GALNT13: variants seen among roughly 807,000 people sequenced by gnomAD.
GALNT13 encodes the protein polypeptide N-acetylgalactosaminyltransferase 13.
A neutral mutation model predicts 64.2 loss-of-function variants in GALNT13; 28 were observed. That is an observed-to-expected ratio of 0.44 (90% CI 0.32 to 0.60). GALNT13 has a LOEUF of 0.60. GALNT13 is among the 20% of genes least tolerant of loss of function. The probability of loss-of-function intolerance (pLI) is 0.05; values close to 1 mark genes in which losing one functional copy is unlikely to be tolerated. For missense variants in GALNT13, 577 were observed against 669.8 expected (o/e 0.86, Z 1.53); for synonymous variants, 214 against 224.6 (o/e 0.95, Z 0.42).
At chr2:153,907,416 T>A (rs1688649651) in intron 2 of GALNT13, among the ~76,000 whole-genome samples, 1 of 151,920 alleles carries the variant, frequency 6.6e-6, no homozygotes, top group Admixed American at 6.6e-5. Context: ...TAACTTTTAT[T>A]TTAGGTTTAG....
At chr2:153,791,480 G>C in the GALNT13 span, among the ~76,000 whole-genome samples, 1 of 152,258 alleles carries the variant, frequency 6.6e-6, no homozygotes, top group East Asian at 1.9e-4. Context: ...ATGTTGATTG[G>C]AGTGTAAATT....
the GALNT13 span, among the ~76,000 whole-genome samples, chr2:153,260,196 TA>T: frequency 3.3e-5 from 5 of 152,342 alleles, no homozygotes; most frequent in African/African-American, 1.2e-4. Flanking sequence ...GTATTTTAGA[TA>T]TGTTCATATT....
chr2:154,181,198 A>G (rs1310779463), intron 4 of GALNT13, among the ~76,000 whole-genome samples: 2 of 152,180 alleles, frequency 1.3e-5, no homozygotes. Flanking sequence ...AGTCACTTTT[A>G]TGATTTTGTA....
At chr2:154,126,779 G>A (rs537698452) in intron 3 of GALNT13, among the ~76,000 whole-genome samples, 5 of 152,258 alleles carry the variant, frequency 3.3e-5, no homozygotes, top group East Asian at 1.9e-4. Context: ...AAGGTAATGT[G>A]GGCTTAACAT....
Position 154,242,181 on chromosome 2 carries a change from G to A in GALNT13, c.463G>A (p.Asp155Asn). The change falls in exon 5 of 13, where the codon GAT becomes AAT. Residue 155 changes from aspartate (D) to asparagine (N), a missense_variant. Transcript: ENST00000392825. ...YLLSEVILVDDASERDFLKLT... is the reference protein window; with the variant it reads ...YLLSEVILVDNASERDFLKLT... ...ACTCTCAGAGGTCATCTTGGTAGATGATGCCAGTGAAAGAGGTACAAACTG... is the reference window on the plus strand; with the variant it reads ...ACTCTCAGAGGTCATCTTGGTAGATAATGCCAGTGAAAGAGGTACAAACTG... The A allele has an allele frequency of 6.2e-7, 1 of 1,608,486 alleles. No homozygotes were observed. The highest frequency in any genetic ancestry group is 8.5e-7 in the Non-Finnish European group (1 of 1,178,532).
At chr2:154,427,895 C>T (rs139580417) in intron 11 of GALNT13, among the ~76,000 whole-genome samples, 257 of 152,252 alleles carry the variant, frequency 1.7e-3, no homozygotes, top group Non-Finnish European at 2.6e-3. Context: ...TCTATGAATT[C>T]TCCATGCTGA....
At chr2:153,193,447 G>T in the GALNT13 span, among the ~76,000 whole-genome samples, 16 of 136,746 alleles carry the variant, frequency 1.2e-4, no homozygotes, top group African/African-American at 4.3e-4. Flanking sequence ...GGACTGTGGT[G>T]GGGTCGGGGG....
At chr2:153,307,599 A>T in the GALNT13 span, among the ~76,000 whole-genome samples, 18 of 152,156 alleles carry the variant, frequency 1.2e-4, no homozygotes, top group Admixed American at 1.2e-3. Flanking sequence ...AGTAATATTT[A>T]TTAGCATATA....
chr2:153,921,616 A>G (rs2105337374), intron 2 of GALNT13, among the ~76,000 whole-genome samples: 1 of 152,310 alleles, frequency 6.6e-6, no homozygotes, highest in East Asian at 1.9e-4. Flanking sequence ...AACCTAACAC[A>G]GAAGTTATAA....
intron 2 of GALNT13, among the ~76,000 whole-genome samples, chr2:153,922,179 G>A (rs1188455764): frequency 1.3e-5 from 2 of 152,036 alleles, no homozygotes; most frequent in East Asian, 3.9e-4. Context: ...GAGAATTTTT[G>A]TACTGATTAT....
At chr2:153,863,369 A>G in the GALNT13 span, among the ~76,000 whole-genome samples, 2 of 152,158 alleles carry the variant, frequency 1.3e-5, no homozygotes, top group South Asian at 4.1e-4. Flanking sequence ...TCAATGCACA[A>G]ATGTAAAATT....
the GALNT13 span, among the ~76,000 whole-genome samples, chr2:153,523,295 C>T: frequency 3.2e-4 from 49 of 152,112 alleles, 1 homozygote; most frequent in African/African-American, 1.1e-3. Flanking sequence ...ATTGTATTGG[C>T]TATCTGAGTC....
chr2:154,046,985 T>C (rs966370845), intron 3 of GALNT13, among the ~76,000 whole-genome samples: 4 of 152,136 alleles, frequency 2.6e-5, no homozygotes, highest in Non-Finnish European at 5.9e-5. Flanking sequence ...TACAGTACTT[T>C]CTGGTGAGTA....
At chr2:153,653,349 G>A in the GALNT13 span, among the ~76,000 whole-genome samples, 1 of 152,098 alleles carries the variant, frequency 6.6e-6, no homozygotes, top group Non-Finnish European at 1.5e-5. Flanking sequence ...ATAAAATGGC[G>A]AGACCTTCAT....
chr2:153,454,920 A>G, the GALNT13 span, among the ~76,000 whole-genome samples: 1 of 152,248 alleles, frequency 6.6e-6, no homozygotes, highest in Admixed American at 6.5e-5. Context: ...TAAAAGATTG[A>G]TATGTATATA....
intron 8 of GALNT13, among the ~76,000 whole-genome samples, chr2:154,276,408 C>T (rs553274758): frequency 2.5e-4 from 38 of 151,874 alleles, no homozygotes; most frequent in Middle Eastern, 3.4e-3. Flanking sequence ...TGAGTAGAAA[C>T]GGAAAATGCA....
intron 4 of GALNT13, among the ~76,000 whole-genome samples, chr2:154,142,250 A>C (rs1462688355): frequency 6.6e-6 from 1 of 152,134 alleles, no homozygotes; most frequent in African/African-American, 2.4e-5. Context: ...GAATTACTTC[A>C]TATAATATGA....
At chr2:153,627,826 C>T in the GALNT13 span, among the ~76,000 whole-genome samples, 35 of 152,070 alleles carry the variant, frequency 2.3e-4, no homozygotes, top group Admixed American at 9.2e-4. Context: ...ATTGACTTGG[C>T]GATGTGGGCT....
At chr2:154,202,064 A>ATACTT (rs1434437347) in intron 4 of GALNT13, among the ~76,000 whole-genome samples, 3 of 152,132 alleles carry the variant, frequency 2.0e-5, no homozygotes, top group African/African-American at 7.2e-5. Flanking sequence ...TCAATCCAAA[A>ATACTT]TACTTTTGTG....
Sources: gnomAD v4.1 joint callset for allele counts (sites outside exome capture counted in the v4.1 genomes callset) on GRCh38, gnomAD v4.1.1 for gene constraint, MANE v1.5 for transcripts, NCBI Gene and HGNC (gene_info 2026-07-23, HGNC 2026-07-21) for gene names.